Variants in BCL2 observed in about 807,000 individuals in gnomAD.
BCL2 encodes BCL2 apoptosis regulator, also known as apoptosis regulator Bcl-2.
Under a neutral mutation model 14.2 loss-of-function variants are expected in BCL2, and 1 was observed. That is an observed-to-expected ratio of 0.07 (90% CI 0.02 to 0.33). BCL2 has a LOEUF of 0.33. Ranked by LOEUF, BCL2 falls within the 10% of genes least tolerant of loss-of-function variation. BCL2 has a pLI of 0.99. For synonymous variants in BCL2, 151 were observed against 137.2 expected (o/e 1.10, Z -0.70); for missense variants, 247 against 305.9 (o/e 0.81, Z 1.44).
chr18:63,127,376 G>T lies in BCL2; in HGVS notation c.*1249C>A, dbSNP rs565671491. 31 of 235,102 alleles carry T rather than the reference G, an allele frequency of 1.3e-4. No individual in the cohort carries two copies. The highest frequency in any genetic ancestry group is 6.8e-4 in the African/African-American group (31 of 45,380). 14.6% of individuals were successfully genotyped at this position (235,102 alleles called of 1,614,324 possible). ...GTCCTTCTGATAGGAAGGGCCCAGG[G>T]CCTCTGTTCCTTCCCTCTACAGTGA... On this transcript the variant is annotated 3_prime_UTR_variant, in exon 3 of 3. Coordinates refer to ENST00000333681, the MANE Select transcript of BCL2 (RefSeq NM_000633.3).
At chr18:63,193,798 A>C (rs1909363167) in intron 2 of BCL2, among the ~76,000 whole-genome samples, 1 of 152,176 alleles carries the variant, frequency 6.6e-6, no homozygotes. Context: ...TGGTTCTAAA[A>C]TGATATCATC....
At chr18:63,254,703 G>T (rs770373398) in intron 2 of BCL2, among the ~76,000 whole-genome samples, 1 of 152,182 alleles carries the variant, frequency 6.6e-6, no homozygotes, top group East Asian at 1.9e-4. Context: ...TAAAATATGG[G>T]TTATAGAAAA....
chr18:63,285,944 G>A (rs1912460012), intron 2 of BCL2, among the ~76,000 whole-genome samples: 1 of 152,264 alleles, frequency 6.6e-6, no homozygotes, highest in African/African-American at 2.4e-5. Context: ...CCCACCTCCA[G>A]GTAGTGGCAT....
At chr18:63,176,963 C>T (rs1202413682) in intron 2 of BCL2, among the ~76,000 whole-genome samples, 1 of 150,552 alleles carries the variant, frequency 6.6e-6, no homozygotes, top group Non-Finnish European at 1.5e-5. Flanking sequence ...ATCTTCTGGG[C>T]TGGAGTGCAG....
At chr18:63,146,226 T>G (rs1025762432) in intron 2 of BCL2, among the ~76,000 whole-genome samples, 2 of 152,072 alleles carry the variant, frequency 1.3e-5, no homozygotes, top group African/African-American at 2.4e-5. Flanking sequence ...AATTCCCCAC[T>G]CCCTCAGATA....
chr18:63,202,662 T>C (rs1002038854), intron 2 of BCL2, among the ~76,000 whole-genome samples: 4 of 152,236 alleles, frequency 2.6e-5, no homozygotes, highest in Non-Finnish European at 5.9e-5. Flanking sequence ...ACTTCCATCA[T>C]AGGCTACTTT....
chr18:63,201,788 T>C (rs1909700978), intron 2 of BCL2, among the ~76,000 whole-genome samples: 1 of 151,006 alleles, frequency 6.6e-6, no homozygotes, highest in Non-Finnish European at 1.5e-5. Context: ...GAGAACAACA[T>C]GAACCTAGGG....
intron 2 of BCL2, among the ~76,000 whole-genome samples, chr18:63,244,582 C>T (rs1036382212): frequency 1.1e-4 from 17 of 152,024 alleles, no homozygotes; most frequent in African/African-American, 3.4e-4. Flanking sequence ...CCAGAAGTTT[C>T]GTTTGGCAGA....
At chr18:63,256,348 C>T (rs1480182308) in intron 2 of BCL2, among the ~76,000 whole-genome samples, 1 of 152,208 alleles carries the variant, frequency 6.6e-6, no homozygotes, top group Non-Finnish European at 1.5e-5. Context: ...TCCTAAGTAA[C>T]TGGGACTACA....
rs947506838 is a variant in BCL2 at position 63,195,296 on chromosome 18, C to T, written c.586-66537G>A. On this transcript the variant is annotated intron_variant, in intron 2 of 2. Transcript: ENST00000333681. ...CGCTTTCATCTCTATCTCCTCACTT[C>T]AGAAGTCCCATGCCTGGACTGTGGC... 7.2e-5 allele frequency among the ~76,000 whole-genome samples: 11 copies of T among 152,248 alleles called. 1 individual carries two copies. The highest frequency in any genetic ancestry group is 2.6e-4 in the Admixed American group (4 of 15,284).
chr18:63,135,682 G>A (rs1269274371), intron 2 of BCL2, among the ~76,000 whole-genome samples: 1 of 152,066 alleles, frequency 6.6e-6, no homozygotes, highest in East Asian at 1.9e-4. Context: ...ATTGCTTCAG[G>A]AACCTTCCTC....
intron 2 of BCL2, chr18:63,317,742 A>T: frequency 8.7e-7 from 1 of 1,144,952 alleles, no homozygotes; most frequent in Non-Finnish European, 1.1e-6. Context: ...AAGCTGCTCA[A>T]GCCAGGAAAC....
At chr18:63,150,633 A>T (rs1257855955) in intron 2 of BCL2, among the ~76,000 whole-genome samples, 1 of 152,144 alleles carries the variant, frequency 6.6e-6, no homozygotes, top group Non-Finnish European at 1.5e-5. Flanking sequence ...ACATGCCACA[A>T]GTTCTAGAAT....
chr18:63,318,876 T>G lies in BCL2; in HGVS notation c.-210A>C. ...AGATGCAGGAAATTTTTATTCCAAT[T>G]CCTTTCGGATCTTTATTTCATGAGG... On this transcript the variant is annotated 5_prime_UTR_variant, in exon 2 of 3. Transcript: ENST00000333681. This position sits in a 1 kb window ranked among gnomAD's most constrained non-coding sequence, Gnocchi z 7.4. The G allele has an allele frequency of 7.1e-7, 1 of 1,412,498 alleles. No individual in the cohort carries two copies. The highest frequency in any genetic ancestry group is 9.2e-7 in the Non-Finnish European group (1 of 1,081,248). The allele number at this position is 1,412,498 out of a possible 1,614,324, so 87.5% of individuals were successfully genotyped here.
chr18:63,302,757 G>A (rs981891434), intron 2 of BCL2: 2 of 985,276 alleles, frequency 2.0e-6, no homozygotes, highest in African/African-American at 3.5e-5. Flanking sequence ...TTCCTATCTT[G>A]TCAGAATTTC....
Position 63,319,599 on chromosome 18 carries a change from GGA to G in BCL2, c.-714_-713del, listed in dbSNP as rs1913630753. ...CACGCCTCCCCAGGAGAGAGACAGGGGAGAGGGGACGATGAAGGAGCCGGGGA... is the reference window on the plus strand; with the variant it reads ...CACGCCTCCCCAGGAGAGAGACAGGGGAGGGGACGATGAAGGAGCCGGGGA... On this transcript the variant is annotated 5_prime_UTR_variant, in exon 1 of 3. Coordinates refer to ENST00000333681, the MANE Select transcript of BCL2 (RefSeq NM_000633.3). 4.4e-6 allele frequency: 1 copy of G among 227,522 alleles called. No individual in the cohort carries two copies. The highest frequency in any genetic ancestry group is 8.7e-6 in the Non-Finnish European group (1 of 114,498). The allele number at this position is 227,522 out of a possible 1,614,324, so 14.1% of individuals were successfully genotyped here. A position where few individuals can be genotyped will look rare whatever the true frequency, so the allele number is the denominator to read the frequency against.
At chr18:63,270,977 C>T (rs969262308) in intron 2 of BCL2, among the ~76,000 whole-genome samples, 1 of 152,120 alleles carries the variant, frequency 6.6e-6, no homozygotes, top group African/African-American at 2.4e-5. Context: ...GTGGCCACCA[C>T]ACCTGGCTAA....
At chr18:63,205,083 T>C (rs1164271971) in intron 2 of BCL2, among the ~76,000 whole-genome samples, 1 of 152,198 alleles carries the variant, frequency 6.6e-6, no homozygotes, top group African/African-American at 2.4e-5. Context: ...ACCATGTGAC[T>C]AATACCTATG....
At chr18:63,222,846 C>T (rs1290072465) in intron 2 of BCL2, among the ~76,000 whole-genome samples, 1 of 152,154 alleles carries the variant, frequency 6.6e-6, no homozygotes, top group Non-Finnish European at 1.5e-5. Flanking sequence ...TCTGGCAATC[C>T]ATGACCCTTT....
Sources: allele counts gnomAD v4.1 joint callset (sites outside exome capture counted in the v4.1 genomes callset), GRCh38; gene constraint gnomAD v4.1.1; non-coding constraint Gnocchi (gnomAD v3.1); transcripts MANE v1.5; gene names NCBI Gene and HGNC (gene_info 2026-07-23, HGNC 2026-07-21).